PRDM16: variants seen among roughly 807,000 people sequenced by gnomAD.
PRDM16 encodes histone-lysine N-methyltransferase PRDM16.
A neutral mutation model predicts 110.6 loss-of-function variants in PRDM16; 23 were observed. The ratio of observed to expected loss-of-function variants is 0.21; its 90% CI spans 0.15 to 0.29. The LOEUF (loss-of-function observed/expected upper bound fraction) is 0.29, where lower values mean the gene tolerates loss of function less well. Among genes scored for constraint, PRDM16 ranks in the 10% least tolerant of loss-of-function variants. PRDM16 has a pLI of 1.00. For synonymous variants in PRDM16, 799 were observed against 781.8 expected, an observed-to-expected ratio of 1.02 and a Z score of -0.37; for missense variants, 1,615 against 1,794.3, an observed-to-expected ratio of 0.90 and a Z score of 1.81.
At chr1:3,404,630 C>A in intron 6 of PRDM16, 109 bp from the exon 7 acceptor site, 1 of 1,335,096 alleles carries the variant, frequency 7.5e-7, no homozygotes, top group Non-Finnish European at 1.0e-6. Context: ...CCCTCGGCAG[C>A]GTGGTGGGGG....
chr1:3,392,950 A>T (rs1328503676), intron 4 of PRDM16, among the ~76,000 whole-genome samples: 1 of 152,214 alleles, frequency 6.6e-6, no homozygotes, highest in Non-Finnish European at 1.5e-5. Context: ...AATTCGGAGG[A>T]CCTGTGTTTC....
At chr1:3,129,842 G>A (rs1643296855) in intron 1 of PRDM16, among the ~76,000 whole-genome samples, 1 of 149,672 alleles carries the variant, frequency 6.7e-6, no homozygotes, top group Admixed American at 6.6e-5. Context: ...CCCCCTCTCT[G>A]TCTCTCTCTG....
intron 6 of PRDM16, 125 bp downstream of exon 6, chr1:3,403,123 T>G: frequency 1.1e-6 from 1 of 894,948 alleles, no homozygotes; most frequent in East Asian, 2.6e-5. Context: ...CCAACAGGTG[T>G]AGACAAAGGG....
chr1:3,083,229 G>A (rs953407121), intron 1 of PRDM16, among the ~76,000 whole-genome samples: 6 of 152,172 alleles, frequency 3.9e-5, no homozygotes, highest in Non-Finnish European at 5.9e-5. Flanking sequence ...GCTAGGAGAC[G>A]CAGGGGTCGG....
rs963911247 is a variant in PRDM16 at position 3,435,469 on chromosome 1, T to G, written c.*1658T>G. 2.6e-5 allele frequency: 6 copies of G among 231,284 alleles called. No homozygotes were observed. Among genetic ancestry groups the G allele is most frequent in the Non-Finnish European group, 4.3e-5 (5 of 116,942 alleles). The allele number at this position is 231,284 out of a possible 1,614,324, so 14.3% of individuals were successfully genotyped here. ...CGTTTACCAGACAATCATATGTTTT[T>G]GTTAAATTTGCGTTTCAGTTACATT... On this transcript the variant is annotated 3_prime_UTR_variant, in exon 17 of 17. Transcript: ENST00000270722.
rs1162515585 is a variant in PRDM16, at chr1:3,402,881, T to A, written c.767T>A (p.Val256Glu). 6.2e-7 allele frequency: 1 copy of A among 1,612,872 alleles called. No homozygotes were observed. Among genetic ancestry groups the A allele is most frequent in the Non-Finnish European group, 8.5e-7 (1 of 1,179,982 alleles). ...RRHKKYTCGS[V>E]GAALYEGLAE... ...CATAAGAAGTACACGTGTGGCTCAG[T>A]GGGGGCTGCGCTCTACGAGGGCCTG... The change falls in exon 6 of 17, where the codon GTG becomes GAG. Residue 256 changes from valine (V) to glutamate (E), a missense_variant. Transcript: ENST00000270722.
intron 3 of PRDM16, among the ~76,000 whole-genome samples, chr1:3,368,633 G>C (rs1450851464): frequency 1.3e-5 from 2 of 152,178 alleles, no homozygotes; most frequent in African/African-American, 4.8e-5. Flanking sequence ...TCCTGGCTCA[G>C]GATAGCAGAC....
intron 3 of PRDM16, among the ~76,000 whole-genome samples, chr1:3,251,320 T>TGAGGTGGGGC (rs1405460678): frequency 6.7e-6 from 1 of 148,658 alleles, no homozygotes; most frequent in Non-Finnish European, 1.5e-5. Flanking sequence ...TGAGGTGGGG[T>TGAGGTGGGGC]GAGGGCGCAG....
In PRDM16 at chr1:3,339,610, G is replaced by A. The variant is rs1215975423; in HGVS notation, c.439-45542G>A. Among the ~76,000 whole-genome samples the A allele has an allele frequency of 1.3e-5, 2 of 152,058 alleles. No individual in the cohort carries two copies. Among genetic ancestry groups the A allele is most frequent in the African/African-American group, 4.8e-5 (2 of 41,402 alleles). On this transcript the variant is annotated intron_variant, in intron 3 of 16. Coordinates refer to ENST00000270722, the MANE Select transcript of PRDM16 (RefSeq NM_022114.4). The surrounding 1 kb of genome is among the most constrained non-coding windows in gnomAD (Gnocchi z 5.0). ...GCGGAGCGACCATTGCCTTGGTCTC[G>A]CTCACACCTCCCACCTTGCTCGTGA...
intron 3 of PRDM16, among the ~76,000 whole-genome samples, chr1:3,376,941 A>G (rs930908613): frequency 6.6e-6 from 1 of 152,130 alleles, no homozygotes; most frequent in Non-Finnish European, 1.5e-5. Context: ...GGGATTTATG[A>G]GCTCACCTAG....
chr1:3,072,346 C>T (rs889996405), intron 1 of PRDM16, among the ~76,000 whole-genome samples: 1 of 152,160 alleles, frequency 6.6e-6, no homozygotes, highest in African/African-American at 2.4e-5. Flanking sequence ...ATGTGCCAGT[C>T]GGCACCCCCA....
Position 3,190,781 on chromosome 1 carries a change from T to G in PRDM16, c.387+4307T>G, listed in dbSNP as rs1442013623. ...GTGAGCGCATTTGCTCGCCGTGGGG[T>G]CTGCAAAAACAATGATTTTCACATT... On this transcript the variant is annotated intron_variant, in intron 2 of 16. Transcript: ENST00000270722. The surrounding 1 kb of genome is among the most constrained non-coding windows in gnomAD (Gnocchi z 5.0). Among the ~76,000 whole-genome samples the G allele has an allele frequency of 1.3e-5, 2 of 152,206 alleles. No individual in the cohort carries two copies. The highest frequency in any genetic ancestry group is 2.9e-5 in the Non-Finnish European group (2 of 68,038).
chr1:3,430,805 C>G, intron 14 of PRDM16, 67 bp from the exon 15 acceptor site: 1 of 1,577,230 alleles, frequency 6.3e-7, no homozygotes, highest in Non-Finnish European at 8.7e-7. Flanking sequence ...GAGTCACCAG[C>G]CTTTGGGGGT....
intron 2 of PRDM16, among the ~76,000 whole-genome samples, chr1:3,216,280 G>C (rs1354140669): frequency 6.6e-6 from 1 of 152,092 alleles, no homozygotes; most frequent in African/African-American, 2.4e-5. Flanking sequence ...TGTTCAAGAA[G>C]CGTCCAACCC....
rs72633334 is a variant in PRDM16, at chr1:3,413,017, G to A, written c.2603+217G>A. On this transcript the variant is annotated intron_variant, in intron 9 of 16. Coordinates refer to ENST00000270722, the MANE Select transcript of PRDM16 (RefSeq NM_022114.4). ...CTAAGCTAGGTGCCTGGCCCGGGCCGTGTTTGGGAGGCCAGGACGGGTGCT... is the reference window on the plus strand; with the variant it reads ...CTAAGCTAGGTGCCTGGCCCGGGCCATGTTTGGGAGGCCAGGACGGGTGCT... Among the ~76,000 whole-genome samples the A allele has an allele frequency of 0.039, 5,980 of 152,216 alleles. 158 individuals carry two copies. The highest frequency in any genetic ancestry group is 0.078 in the Middle Eastern group (23 of 294).
chr1:3,303,256 T>C (rs1352450528), intron 3 of PRDM16, among the ~76,000 whole-genome samples: 2 of 151,478 alleles, frequency 1.3e-5, no homozygotes, highest in African/African-American at 4.8e-5. Flanking sequence ...CTGGTAATCA[T>C]GAATGTCCTC....
intron 2 of PRDM16, among the ~76,000 whole-genome samples, chr1:3,237,670 G>A (rs1411657508): frequency 6.6e-6 from 1 of 152,250 alleles, no homozygotes; most frequent in African/African-American, 2.4e-5. Context: ...CATCTCACAG[G>A]AAGGGAGATG....
chr1:3,160,213 G>T (rs962385220), intron 1 of PRDM16, among the ~76,000 whole-genome samples: 1 of 152,208 alleles, frequency 6.6e-6, no homozygotes, highest in Non-Finnish European at 1.5e-5. Context: ...TGAGGCCGCG[G>T]TTCCTGCCCT....
At chr1:3,221,742 C>T (rs745943570) in intron 2 of PRDM16, among the ~76,000 whole-genome samples, 20 of 152,356 alleles carry the variant, frequency 1.3e-4, no homozygotes, top group East Asian at 5.8e-4. Flanking sequence ...CATGCACAGA[C>T]GCACATGTGT....
Sources: allele counts gnomAD v4.1 joint callset (sites outside exome capture counted in the v4.1 genomes callset), GRCh38; gene constraint gnomAD v4.1.1; non-coding constraint Gnocchi (gnomAD v3.1); transcripts MANE v1.5; gene names NCBI Gene and HGNC (gene_info 2026-07-23, HGNC 2026-07-21).